Variants in SPMAP2 observed in about 807,000 individuals in gnomAD.
SPMAP2 encodes sperm microtubule associated protein 2, also known as Theg homolog.
the SPMAP2 span, among the ~76,000 whole-genome samples, chr19:362,969 C>G: frequency 0.089 from 13,514 of 152,012 alleles, 978 homozygotes; most frequent in African/African-American, 0.19. Context: ...AAAGGACACA[C>G]AGTGTGTGAT....
At chr19:372,633 G>A in the SPMAP2 span, 1 of 1,613,534 alleles carries the variant, frequency 6.2e-7, no homozygotes, top group Admixed American at 1.7e-5. Context: ...TCCCCCACCT[G>A]TTGTTGTTGT....
chr19:375,572 C>T, the SPMAP2 span: 17 of 1,340,726 alleles, frequency 1.3e-5, no homozygotes, highest in African/African-American at 4.5e-5. Context: ...ACGACCCTTT[C>T]GCCCGCCCAG....
At chr19:371,390 G>A in the SPMAP2 span, 1 of 634,804 alleles carries the variant, frequency 1.6e-6, no homozygotes, top group Non-Finnish European at 2.5e-6. Context: ...GTGTGTGTGT[G>A]TGTGTGTGTG....
At chr19:372,724 C>T in the SPMAP2 span, 3 of 1,611,606 alleles carry the variant, frequency 1.9e-6, no homozygotes. Context: ...GAAACGGAGT[C>T]AGTGAACCCC....
the SPMAP2 span, chr19:373,798 A>C: frequency 1.2e-6 from 1 of 829,000 alleles, no homozygotes; most frequent in Non-Finnish European, 2.0e-6. Context: ...CCCAGGTCAC[A>C]AGGGTGGAGA....
the SPMAP2 span, chr19:374,021 G>A: frequency 2.5e-6 from 4 of 1,612,334 alleles, no homozygotes; most frequent in African/African-American, 1.3e-5. Context: ...CCTGCGAGGA[G>A]ACAGGGTCCG....
the SPMAP2 span, chr19:367,345 T>G: frequency 1.0e-6 from 1 of 991,470 alleles, no homozygotes. Flanking sequence ...AAGAAGTTGG[T>G]TTGTAATGTA....
chr19:374,175 T>A, the SPMAP2 span: 1 of 1,518,058 alleles, frequency 6.6e-7, no homozygotes, highest in African/African-American at 1.4e-5. Flanking sequence ...CTACCCTAAG[T>A]TTGCTGGATG....
At chr19:375,524 G>T in the SPMAP2 span, 1 of 952,568 alleles carries the variant, frequency 1.0e-6, no homozygotes, top group Non-Finnish European at 1.5e-6. Context: ...GGCAGGGCCG[G>T]GCCCCTCGGG....
chr19:365,258 G>C, the SPMAP2 span, among the ~76,000 whole-genome samples: 1 of 152,246 alleles, frequency 6.6e-6, no homozygotes, highest in Non-Finnish European at 1.5e-5. Context: ...CACCTTCCGG[G>C]TGGATGCGAG....
At chr19:371,987 T>C in the SPMAP2 span, among the ~76,000 whole-genome samples, 1 of 152,244 alleles carries the variant, frequency 6.6e-6, no homozygotes, top group Admixed American at 6.5e-5. Context: ...CTGCTGCTTC[T>C]ACAGGAGTTA....
the SPMAP2 span, among the ~76,000 whole-genome samples, chr19:374,996 G>T: frequency 6.6e-6 from 1 of 152,346 alleles, no homozygotes; most frequent in East Asian, 1.9e-4. Flanking sequence ...GCCCCATGAG[G>T]GCAGGGCAGC....
chr19:373,528 G>A, the SPMAP2 span: 8 of 1,613,214 alleles, frequency 5.0e-6, no homozygotes, highest in African/African-American at 6.7e-5. Flanking sequence ...AGTACACAGA[G>A]GGCCTGGAAT....
the SPMAP2 span, chr19:373,488 G>A: frequency 1.2e-6 from 2 of 1,613,400 alleles, no homozygotes; most frequent in East Asian, 2.2e-5. Flanking sequence ...GTGATGGTGA[G>A]GGTGGTGTCC....
At chr19:371,822 C>T in the SPMAP2 span, among the ~76,000 whole-genome samples, 8 of 152,322 alleles carry the variant, frequency 5.3e-5, no homozygotes, top group East Asian at 1.9e-4. Context: ...TGCCTCTGCT[C>T]GGAAATAAAG....
the SPMAP2 span, chr19:374,729 C>T: frequency 1.5e-4 from 57 of 377,726 alleles, no homozygotes; most frequent in Non-Finnish European, 2.5e-4. Flanking sequence ...TTGGTGAGTA[C>T]TAAGGTAGTG....
At chr19:371,326 G>A in the SPMAP2 span, 4 of 1,451,586 alleles carry the variant, frequency 2.8e-6, no homozygotes, top group Non-Finnish European at 3.7e-6. Context: ...AGTCGTCCTG[G>A]GGGAGGTCCC....
the SPMAP2 span, chr19:373,943 C>T: frequency 1.3e-5 from 21 of 1,613,270 alleles, no homozygotes; most frequent in Non-Finnish European, 1.6e-5. Context: ...GACTTACCAG[C>T]AGAGACAGAA....
At chr19:362,143 GAAT>G in the SPMAP2 span, 8 of 1,313,626 alleles carry the variant, frequency 6.1e-6, no homozygotes, top group Non-Finnish European at 8.0e-6. Context: ...AAAAAGCTCA[GAAT>G]AATCACATAC....
Sources: allele counts gnomAD v4.1 joint callset (sites outside exome capture counted in the v4.1 genomes callset), GRCh38; gene constraint gnomAD v4.1.1; transcripts MANE v1.5; gene names NCBI Gene and HGNC (gene_info 2026-07-23, HGNC 2026-07-21).